The following FOCAD variants were observed in gnomAD, a reference collection of about 807,000 sequenced individuals.
FOCAD encodes the protein focadhesin.
In FOCAD, 198 loss-of-function variants were observed where a neutral mutation model predicts 225.6. That is an observed-to-expected ratio of 0.88 (90% CI 0.78 to 0.99). The LOEUF is 0.99. Ranked by LOEUF, FOCAD falls within the 50% of genes least tolerant of loss-of-function variation. FOCAD has a pLI of 0.00. For synonymous variants in FOCAD, 897 were observed against 755.0 expected, an observed-to-expected ratio of 1.19 and a Z score of -3.08; for missense variants, 2,713 against 2,123.6, an observed-to-expected ratio of 1.28 and a Z score of -5.46.
chr9:20,821,515 G>A (rs1174602053), intron 14 of FOCAD, among the ~76,000 whole-genome samples: 4 of 152,044 alleles, frequency 2.6e-5, no homozygotes, highest in Admixed American at 2.6e-4. Flanking sequence ...TAACAAGGAA[G>A]AAAATGATGA....
chr9:20,904,211 A>G (rs1442460761), intron 21 of FOCAD, among the ~76,000 whole-genome samples: 5 of 152,020 alleles, frequency 3.3e-5, no homozygotes, highest in East Asian at 3.9e-4. Flanking sequence ...AAGTGCTGCT[A>G]TGAACATCGA....
At chr9:20,921,329 T>G (rs1188111593) in intron 24 of FOCAD, among the ~76,000 whole-genome samples, 2 of 152,216 alleles carry the variant, frequency 1.3e-5, no homozygotes, top group Non-Finnish European at 2.9e-5. Context: ...ACAATTTAAT[T>G]AAAACGTCGG....
intron 18 of FOCAD, among the ~76,000 whole-genome samples, chr9:20,867,878 G>A (rs1360760900): frequency 6.6e-6 from 1 of 152,022 alleles, no homozygotes; most frequent in Non-Finnish European, 1.5e-5. Context: ...CTTCTGGATT[G>A]CGTTTATACT....
chr9:20,869,855 G>C (rs1829613119), intron 18 of FOCAD, among the ~76,000 whole-genome samples: 1 of 152,182 alleles, frequency 6.6e-6, no homozygotes, highest in Non-Finnish European at 1.5e-5. Flanking sequence ...AAAGCACACA[G>C]ATCTAAAATT....
intron 6 of FOCAD, among the ~76,000 whole-genome samples, chr9:20,761,311 G>A (rs956855691): frequency 6.6e-6 from 1 of 152,154 alleles, no homozygotes; most frequent in Non-Finnish European, 1.5e-5. Flanking sequence ...AGATTATCTA[G>A]TCTAACATAA....
chr9:20,961,794 C>A (rs1407649921), intron 35 of FOCAD, among the ~76,000 whole-genome samples: 1 of 152,126 alleles, frequency 6.6e-6, no homozygotes, highest in Non-Finnish European at 1.5e-5. Flanking sequence ...AACTGCCTTC[C>A]TCACTCAGGT....
chr9:20,956,956 A>G (rs1220569060), intron 35 of FOCAD, among the ~76,000 whole-genome samples: 1 of 152,034 alleles, frequency 6.6e-6, no homozygotes, highest in Admixed American at 6.6e-5. Context: ...GGCCTCCCAA[A>G]ATGCTGGAAT....
intron 35 of FOCAD, among the ~76,000 whole-genome samples, chr9:20,970,175 TGG>T (rs1839639666): frequency 6.6e-6 from 1 of 152,084 alleles, no homozygotes; most frequent in Non-Finnish European, 1.5e-5. Flanking sequence ...CGTCTTAGTG[TGG>T]ATCTCTTTGC....
chr9:20,826,606 C>A (rs909495426), intron 15 of FOCAD, among the ~76,000 whole-genome samples: 8 of 152,078 alleles, frequency 5.3e-5, no homozygotes, highest in African/African-American at 1.9e-4. Flanking sequence ...CATCTTTCCT[C>A]TTCTGTCCCT....
At chr9:20,713,509 C>A (rs1288228399) in intron 1 of FOCAD, among the ~76,000 whole-genome samples, 1 of 152,154 alleles carries the variant, frequency 6.6e-6, no homozygotes, top group African/African-American at 2.4e-5. Context: ...CTCCTTTATT[C>A]TGCTTCACTT....
chr9:20,680,792 C>T (rs1368784378), upstream of FOCAD, among the ~76,000 whole-genome samples: 2 of 152,070 alleles, frequency 1.3e-5, no homozygotes, highest in South Asian at 2.1e-4. Context: ...CATAGTGAGA[C>T]TTCATTTCTA....
At chr9:20,732,276 G>A (rs1320728642) in intron 4 of FOCAD, among the ~76,000 whole-genome samples, 1 of 152,182 alleles carries the variant, frequency 6.6e-6, no homozygotes, top group African/African-American at 2.4e-5. Flanking sequence ...CCTTTAAGAT[G>A]ACGATTTGAC....
At chr9:20,747,258 T>C (rs1828121130) in intron 5 of FOCAD, among the ~76,000 whole-genome samples, 1 of 152,144 alleles carries the variant, frequency 6.6e-6, no homozygotes, top group Non-Finnish European at 1.5e-5. Context: ...TATTAAGCTA[T>C]CAATCAAGGA....
At chr9:20,869,979 G>A (rs1395998997) in intron 18 of FOCAD, among the ~76,000 whole-genome samples, 1 of 151,982 alleles carries the variant, frequency 6.6e-6, no homozygotes, top group Non-Finnish European at 1.5e-5. Context: ...ATAAAAGCTA[G>A]TTACACTTCC....
At chr9:20,965,148 G>C (rs1839146606) in intron 35 of FOCAD, among the ~76,000 whole-genome samples, 1 of 152,150 alleles carries the variant, frequency 6.6e-6, no homozygotes, top group African/African-American at 2.4e-5. Context: ...CTTTTATATG[G>C]AAAAGTATGG....
intron 21 of FOCAD, among the ~76,000 whole-genome samples, chr9:20,906,605 T>G (rs1406610540): frequency 1.3e-5 from 2 of 152,078 alleles, no homozygotes; most frequent in Non-Finnish European, 2.9e-5. Context: ...TTACCCACAC[T>G]GATTAAAGGC....
At chr9:20,745,268 C>G (rs1253084124) in intron 5 of FOCAD, among the ~76,000 whole-genome samples, 2 of 152,024 alleles carry the variant, frequency 1.3e-5, no homozygotes, top group African/African-American at 2.4e-5. Flanking sequence ...ACACTACGCC[C>G]TGCTAATTTT....
chr9:20,656,969 C>G (rs922062592), upstream of FOCAD, among the ~76,000 whole-genome samples: 7 of 151,652 alleles, frequency 4.6e-5, no homozygotes, highest in Admixed American at 3.9e-4. Context: ...TTAGGGCAGG[C>G]CTGGTGGTGA....
chr9:20,715,601 A>C (rs890279894), intron 2 of FOCAD, among the ~76,000 whole-genome samples, 191 bp downstream of exon 2: 1 of 152,162 alleles, frequency 6.6e-6, no homozygotes, highest in Non-Finnish European at 1.5e-5. Context: ...TTTGAAATTG[A>C]TCAATCTCAG....
Sources: allele counts gnomAD v4.1 joint callset (sites outside exome capture counted in the v4.1 genomes callset), GRCh38; gene constraint gnomAD v4.1.1; transcripts MANE v1.5; gene names NCBI Gene and HGNC (gene_info 2026-07-23, HGNC 2026-07-21).